The following DLGAP1 variants were observed in gnomAD, a reference collection of about 807,000 sequenced individuals.
DLGAP1 encodes the protein DLG associated protein 1, also known as disks large-associated protein 1.
A neutral mutation model predicts 90.8 loss-of-function variants in DLGAP1; 11 were observed. The ratio of observed to expected loss-of-function variants is 0.12; its 90% CI spans 0.08 to 0.20. The LOEUF (loss-of-function observed/expected upper bound fraction) is 0.20. DLGAP1 is among the 10% of genes least tolerant of loss of function. The probability of loss-of-function intolerance (pLI) is 1.00; values close to 1 mark genes in which losing one functional copy is unlikely to be tolerated. For missense variants in DLGAP1, 1,050 were observed against 1,333.8 expected (o/e 0.79, Z 3.31); for synonymous variants, 558 against 540.7 (o/e 1.03, Z -0.44).
At chr18:3,874,866 CT>C in intron 4 of DLGAP1, 1 of 993,322 alleles carries the variant, frequency 1.0e-6, no homozygotes, top group Non-Finnish European at 1.4e-6. Flanking sequence ...GCACTTATCA[CT>C]CATAATACAA....
Position 4,121,479 on chromosome 18 carries a change from A to T in DLGAP1, c.-159+29701T>A, listed in dbSNP as rs553464283. 1.2e-3 allele frequency among the ~76,000 whole-genome samples: 183 copies of T among 152,150 alleles called. 1 individual carries two copies. Among genetic ancestry groups the T allele is most frequent in the African/African-American group, 4.3e-3 (180 of 41,516 alleles). On this transcript the variant is annotated intron_variant, in intron 2 of 12. Coordinates refer to ENST00000315677, the MANE Select transcript of DLGAP1 (RefSeq NM_004746.4). ...GAACCCCTCACCCCCCGTCCTCAACATCTGATCACTCTCGATTCTGATCAG... is the reference window on the plus strand; with the variant it reads ...GAACCCCTCACCCCCCGTCCTCAACTTCTGATCACTCTCGATTCTGATCAG...
chr18:4,229,251 C>G (rs961534196), intron 1 of DLGAP1, among the ~76,000 whole-genome samples: 4 of 151,996 alleles, frequency 2.6e-5, no homozygotes, highest in African/African-American at 7.2e-5. Flanking sequence ...GTCCATACTA[C>G]TTACAACAAT....
chr18:3,516,221 T>C (rs1406344814), intron 10 of DLGAP1, among the ~76,000 whole-genome samples: 1 of 152,108 alleles, frequency 6.6e-6, no homozygotes, highest in Non-Finnish European at 1.5e-5. Flanking sequence ...AGTTTTTCTT[T>C]TTTTTTTAAT....
intron 3 of DLGAP1, among the ~76,000 whole-genome samples, chr18:3,903,189 C>T (rs2071821827): frequency 7.8e-6 from 1 of 128,954 alleles, no homozygotes; most frequent in African/African-American, 2.5e-5. Context: ...TGGGGATGTA[C>T]TGAGGGAAGG....
intron 1 of DLGAP1, among the ~76,000 whole-genome samples, chr18:4,224,072 T>C (rs1284550431): frequency 1.3e-5 from 2 of 152,186 alleles, no homozygotes; most frequent in Non-Finnish European, 2.9e-5. Flanking sequence ...TTGACATTTC[T>C]AGACAAAACC....
At chr18:3,513,556 C>G (rs972014576) in intron 10 of DLGAP1, among the ~76,000 whole-genome samples, 6 of 152,198 alleles carry the variant, frequency 3.9e-5, no homozygotes, top group Non-Finnish European at 8.8e-5. Flanking sequence ...GATCACTGTC[C>G]CACATTAGGA....
rs1315860901 is a variant in DLGAP1, at chr18:3,520,058, T to C, written c.2480-11397A>G. Among the ~76,000 whole-genome samples, 3 of 152,174 alleles carry C rather than the reference T, an allele frequency of 2.0e-5. No homozygotes were observed. In the East Asian group the frequency reaches 5.8e-4, roughly 29 times the overall value. On this transcript the variant is annotated intron_variant, in intron 10 of 12. Coordinates refer to ENST00000315677, the MANE Select transcript of DLGAP1 (RefSeq NM_004746.4). ...CTTAAAGTAAAATTTAAAAAAAAAT[T>C]ACCCAGTCTTTGGTATTTTGTTGGA...
intron 5 of DLGAP1, among the ~76,000 whole-genome samples, chr18:3,789,263 A>G (rs749697400): frequency 5.3e-5 from 8 of 152,232 alleles, no homozygotes; most frequent in Non-Finnish European, 1.0e-4. Context: ...ACCTACTGCA[A>G]TAGAGGCTGT....
At chr18:4,026,908 G>C (rs2149122798) in intron 2 of DLGAP1, among the ~76,000 whole-genome samples, 1 of 152,254 alleles carries the variant, frequency 6.6e-6, no homozygotes, top group South Asian at 2.1e-4. Flanking sequence ...TATTAAGATA[G>C]GAATTGTACA....
intron 7 of DLGAP1, chr18:3,608,334 AAAGAT>A (rs201743074): frequency 4.1e-4 from 53 of 128,298 alleles, no homozygotes; most frequent in East Asian, 1.2e-3. Context: ...AAAAAAAAAA[AAAGAT>A]GAGCTCACAC....
At chr18:3,983,829 C>T (rs969676748) in intron 3 of DLGAP1, 1 of 152,138 alleles carries the variant, frequency 6.6e-6, no homozygotes, top group African/African-American at 2.4e-5. Flanking sequence ...AAAGAGATAA[C>T]AGAATCAGCA....
intron 2 of DLGAP1, among the ~76,000 whole-genome samples, chr18:4,079,691 A>AATAT (rs10597845): frequency 0.01 from 1,517 of 146,564 alleles, 14 homozygotes; most frequent in South Asian, 0.043. Flanking sequence ...ATTGAAATTA[A>AATAT]ATATATATAT....
rs568295912 is a variant in DLGAP1, at chr18:3,729,568, C to CT, written c.1351-194dup. Among the ~76,000 whole-genome samples the CT allele has an allele frequency of 0.05, 7,644 of 151,718 alleles. 612 individuals carry two copies. The highest frequency in any genetic ancestry group is 0.17 in the African/African-American group (7,125 of 41,318). ...GCTTATAATTCCAAACAATAGATTA[C>CT]TTTTTTTTTCTTGTATTTTTAGTAG... is the stretch of plus-strand genomic sequence containing the variant. On this transcript the variant is annotated intron_variant, in intron 6 of 12. Coordinates refer to ENST00000315677, the MANE Select transcript of DLGAP1 (RefSeq NM_004746.4). The surrounding 1 kb of genome is among the most constrained non-coding windows in gnomAD (Gnocchi z 6.2).
intron 3 of DLGAP1, among the ~76,000 whole-genome samples, chr18:3,912,332 G>A (rs1356244847): frequency 6.6e-6 from 1 of 152,150 alleles, no homozygotes; most frequent in African/African-American, 2.4e-5. Flanking sequence ...TGCAAATGAA[G>A]GAAACTCGCT....
chr18:4,230,506 T>C (rs1161449680), intron 1 of DLGAP1, among the ~76,000 whole-genome samples: 1 of 151,946 alleles, frequency 6.6e-6, no homozygotes, highest in African/African-American at 2.4e-5. Context: ...TGGAGGTCAT[T>C]ATGTTAAGTA....
chr18:4,194,754 T>TA (rs1055279432), intron 1 of DLGAP1, among the ~76,000 whole-genome samples: 1 of 152,234 alleles, frequency 6.6e-6, no homozygotes, highest in African/African-American at 2.4e-5. Flanking sequence ...TATCATTTAA[T>TA]AGAGTCTATA....
At chr18:3,581,129 G>A (rs2055483580) in intron 8 of DLGAP1, among the ~76,000 whole-genome samples, 2 of 152,112 alleles carry the variant, frequency 1.3e-5, no homozygotes, top group South Asian at 4.1e-4. Flanking sequence ...GCTGCCTTCA[G>A]CCAGGGCGCT....
chr18:4,135,286 A>AG (rs940267789), intron 2 of DLGAP1, among the ~76,000 whole-genome samples: 2 of 151,968 alleles, frequency 1.3e-5, no homozygotes, highest in Non-Finnish European at 2.9e-5. Context: ...AGCAGATGAA[A>AG]GGGGGTGTTT....
intron 1 of DLGAP1, among the ~76,000 whole-genome samples, chr18:4,368,009 A>C (rs2081817638): frequency 6.6e-6 from 1 of 152,198 alleles, no homozygotes; most frequent in Admixed American, 6.5e-5. Context: ...AAGGAAGCAT[A>C]AACATTACAC....
Sources: allele counts gnomAD v4.1 joint callset (sites outside exome capture counted in the v4.1 genomes callset), GRCh38; gene constraint gnomAD v4.1.1; non-coding constraint Gnocchi (gnomAD v3.1); transcripts MANE v1.5; gene names NCBI Gene and HGNC (gene_info 2026-07-23, HGNC 2026-07-21).